LRRC8B: variants seen among roughly 807,000 people sequenced by gnomAD.
LRRC8B encodes the protein leucine rich repeat containing 8 VRAC subunit B.
A neutral mutation model predicts 58.8 loss-of-function variants in LRRC8B; 23 were observed. The ratio of observed to expected loss-of-function variants is 0.39; its 90% CI spans 0.28 to 0.55. The LOEUF is 0.55. Ranked by LOEUF, LRRC8B falls within the 20% of genes least tolerant of loss-of-function variation. The pLI, the probability that LRRC8B is intolerant of heterozygous loss-of-function variation, is 0.62. For missense variants in LRRC8B, 694 were observed against 936.0 expected (o/e 0.74, Z 3.37); for synonymous variants, 359 against 374.1 (o/e 0.96, Z 0.47).
At chr1:89,557,236 C>T (rs924047410) in intron 1 of LRRC8B, among the ~76,000 whole-genome samples, 8 of 151,944 alleles carry the variant, frequency 5.3e-5, no homozygotes, top group African/African-American at 1.5e-4. Flanking sequence ...TTTTTGACTT[C>T]ACAGTAGGAC....
At chr1:89,527,993 A>T (rs1383115932) in intron 1 of LRRC8B, among the ~76,000 whole-genome samples, 1 of 152,164 alleles carries the variant, frequency 6.6e-6, no homozygotes, top group African/African-American at 2.4e-5. Context: ...CAGGGCTTCA[A>T]CCTTGACCTT....
chr1:89,554,666 A>G (rs1461237626), intron 1 of LRRC8B, among the ~76,000 whole-genome samples: 2 of 152,176 alleles, frequency 1.3e-5, no homozygotes, highest in Admixed American at 1.3e-4. Flanking sequence ...GGCCTTCTTC[A>G]TTTCTACCTT....
intron 3 of LRRC8B, among the ~76,000 whole-genome samples, chr1:89,579,078 A>G (rs780488604): frequency 6.6e-6 from 1 of 150,632 alleles, no homozygotes; most frequent in Non-Finnish European, 1.5e-5. Flanking sequence ...ATTTGGATAG[A>G]TGTTTGGTTT....
chr1:89,574,086 A>G (rs1031381695), intron 3 of LRRC8B, among the ~76,000 whole-genome samples: 7 of 152,266 alleles, frequency 4.6e-5, no homozygotes, highest in African/African-American at 1.7e-4. Flanking sequence ...AGCCATATAG[A>G]GGACTGGCAA....
rs1374566776 is a variant in LRRC8B at position 89,593,229 on chromosome 1, T to A, written c.*186T>A. 1.1e-5 allele frequency: 6 copies of A among 566,672 alleles called. No homozygotes were observed. The East Asian group carries it at 1.8e-4, about 17-fold the overall frequency. 35.1% of individuals were successfully genotyped at this position (566,672 alleles called of 1,614,324 possible). ...ATCTCTGCTAAAACTACAAAAAAAT[T>A]AGCCAGGCGTGGTGGCGTGCGCCTG... On this transcript the variant is annotated 3_prime_UTR_variant, in exon 6 of 6. Transcript: ENST00000330947.
At chr1:89,588,965 A>C (rs533822325) in intron 5 of LRRC8B, among the ~76,000 whole-genome samples, 19 of 152,312 alleles carry the variant, frequency 1.2e-4, no homozygotes, top group African/African-American at 4.3e-4. Flanking sequence ...TATGAAACTC[A>C]AATTTCAATT....
At chr1:89,527,048 A>C (rs928302814) in intron 1 of LRRC8B, 3 of 152,248 alleles carry the variant, frequency 2.0e-5, no homozygotes, top group African/African-American at 7.2e-5. Context: ...CAAGTTTTTT[A>C]GACTAATCCA....
At chr1:89,571,317 T>A (rs1051847258) in intron 3 of LRRC8B, among the ~76,000 whole-genome samples, 1 of 152,222 alleles carries the variant, frequency 6.6e-6, no homozygotes, top group Non-Finnish European at 1.5e-5. Context: ...AATATGGACA[T>A]TTTTAATGAT....
At chr1:89,528,846 G>A (rs1236423337) in intron 1 of LRRC8B, among the ~76,000 whole-genome samples, 2 of 152,186 alleles carry the variant, frequency 1.3e-5, no homozygotes, top group South Asian at 2.1e-4. Flanking sequence ...GAGGGGAAAG[G>A]CAAGAGCCCA....
At chr1:89,575,878 G>A (rs1653809135) in intron 3 of LRRC8B, among the ~76,000 whole-genome samples, 1 of 151,950 alleles carries the variant, frequency 6.6e-6, no homozygotes, top group Admixed American at 6.6e-5. Context: ...TTTATTCTTT[G>A]CTTTCTTTTT....
At chr1:89,578,034 G>A (rs1180753966) in intron 3 of LRRC8B, among the ~76,000 whole-genome samples, 1 of 152,238 alleles carries the variant, frequency 6.6e-6, no homozygotes, top group Non-Finnish European at 1.5e-5. Context: ...TAGAGGTTTT[G>A]TCACCTTGGG....
chr1:89,533,316 C>G (rs1650278496), intron 1 of LRRC8B, among the ~76,000 whole-genome samples: 1 of 152,206 alleles, frequency 6.6e-6, no homozygotes, highest in South Asian at 2.1e-4. Flanking sequence ...TGCAGCTCTT[C>G]AGCTTCATCT....
At position 89,584,276 on chromosome 1, in the gene LRRC8B, CCTGTACTTGAAGAG is replaced by C; in HGVS notation, c.1628_1641del (p.Leu543GlnfsTer22). The C allele has an allele frequency of 6.2e-7, 1 of 1,613,828 alleles. No individual in the cohort carries two copies. Among genetic ancestry groups the C allele is most frequent in the Non-Finnish European group, 8.5e-7 (1 of 1,180,024 alleles). On this transcript the variant is annotated frameshift_variant, in exon 5 of 6. Coordinates refer to ENST00000330947, the MANE Select transcript of LRRC8B (RefSeq NM_001369817.2). LOFTEE classifies it high-confidence loss of function. ...TTCAGGACTTAAAAAATCTAAGGAC[CCTGTACTTGAAGAG>C]CAGCCTCTCCCGGATCCCACAAGTT... is the stretch of plus-strand genomic sequence containing the variant.
chr1:89,568,293 A>G lies in LRRC8B; in HGVS notation c.-194A>G, dbSNP rs548382514. ...GAGAAGTCAGAAGGTGATCTCTTTA[A>G]TGCTTTCTTTTTAAGTAAGTTATCT... On this transcript the variant is annotated 5_prime_UTR_variant, in exon 2 of 6. The change abolishes an upstream ATG in the 5' untranslated region. Transcript: ENST00000330947. The G allele has an allele frequency of 6.6e-6, 1 of 152,162 alleles. No individual in the cohort carries two copies. Among genetic ancestry groups the G allele is most frequent in the East Asian group, 1.9e-4 (1 of 5,204 alleles). The allele number at this position is 152,162 out of a possible 1,614,324, so 9.4% of individuals were successfully genotyped here. A position where few individuals can be genotyped will look rare whatever the true frequency, so the allele number is the denominator to read the frequency against.
intron 5 of LRRC8B, among the ~76,000 whole-genome samples, chr1:89,591,918 C>G (rs1655003721): frequency 6.6e-6 from 1 of 152,098 alleles, no homozygotes; most frequent in African/African-American, 2.4e-5. Context: ...TGCAGTCTAT[C>G]TATGCTGAGG....
intron 1 of LRRC8B, among the ~76,000 whole-genome samples, chr1:89,532,510 CCTGTT>C (rs894673752): frequency 6.6e-6 from 1 of 152,138 alleles, no homozygotes; most frequent in African/African-American, 2.4e-5. Flanking sequence ...TTTCCCCCAT[CCTGTT>C]CTTGTGATTG....
chr1:89,574,784 C>G (rs1392312932), intron 3 of LRRC8B, among the ~76,000 whole-genome samples: 1 of 152,154 alleles, frequency 6.6e-6, no homozygotes, highest in African/African-American at 2.4e-5. Context: ...CTCTACCCAG[C>G]AAAAGATACT....
intron 1 of LRRC8B, among the ~76,000 whole-genome samples, chr1:89,544,891 C>A (rs1651286365): frequency 6.6e-6 from 1 of 152,082 alleles, no homozygotes; most frequent in Non-Finnish European, 1.5e-5. Context: ...AGCATAAACT[C>A]AAAATTATAA....
Position 89,593,156 on chromosome 1 carries a change from C to A in LRRC8B, c.*113C>A. The A allele has an allele frequency of 9.3e-7, 1 of 1,080,648 alleles. No homozygotes were observed. Among genetic ancestry groups the A allele is most frequent in the Non-Finnish European group, 1.3e-6 (1 of 744,118 alleles). 66.9% of individuals were successfully genotyped at this position (1,080,648 alleles called of 1,614,324 possible). A position where few individuals can be genotyped will look rare whatever the true frequency, so the allele number is the denominator to read the frequency against. ...TTGGGAGGCCAAGATGGGCGGATTG[C>A]TTGAGGTCAGGAGTTCGAGACCAGT... is the stretch of plus-strand genomic sequence containing the variant. On this transcript the variant is annotated 3_prime_UTR_variant, in exon 6 of 6. Transcript: ENST00000330947.
Sources: gnomAD v4.1 joint callset for allele counts (sites outside exome capture counted in the v4.1 genomes callset) on GRCh38, gnomAD v4.1.1 for gene constraint, MANE v1.5 for transcripts, NCBI Gene and HGNC (gene_info 2026-07-23, HGNC 2026-07-21) for gene names.